Variants in SCML4 observed in about 807,000 individuals in gnomAD.
The protein encoded by SCML4 is sex comb on midleg-like protein 4.
SCML4 carries 34 observed loss-of-function variants against 41.1 expected under a neutral mutation model. That is an observed-to-expected ratio of 0.83 (90% confidence interval 0.63 to 1.10). The LOEUF is 1.10. Ranked by LOEUF, SCML4 falls within the 50% of genes least tolerant of loss-of-function variation. SCML4 has a pLI of 0.00. For missense variants in SCML4, 522 were observed against 534.1 expected, an observed-to-expected ratio of 0.98 and a Z score of 0.22; for synonymous variants, 214 against 220.9, an observed-to-expected ratio of 0.97 and a Z score of 0.28.
chr6:107,757,571 T>C (rs1310158848), intron 2 of SCML4, among the ~76,000 whole-genome samples: 1 of 152,166 alleles, frequency 6.6e-6, no homozygotes, highest in Non-Finnish European at 1.5e-5. Flanking sequence ...TGGATCTGGA[T>C]TGAATGTCCA....
chr6:107,797,582 C>T (rs7748848), intron 1 of SCML4, among the ~76,000 whole-genome samples: 7,795 of 152,056 alleles, frequency 0.051, 690 homozygotes, highest in African/African-American at 0.18. Flanking sequence ...AATTAAAAAT[C>T]ATACTTCTTT....
At chr6:107,781,553 G>T (rs1334435778) in intron 1 of SCML4, among the ~76,000 whole-genome samples, 1 of 152,088 alleles carries the variant, frequency 6.6e-6, no homozygotes, top group African/African-American at 2.4e-5. Context: ...AGGCTGAAGT[G>T]GGAGGATTGC....
At chr6:107,838,043 G>A in the SCML4 span, among the ~76,000 whole-genome samples, 1 of 151,808 alleles carries the variant, frequency 6.6e-6, no homozygotes, top group African/African-American at 2.4e-5. Flanking sequence ...GAGTACTTGG[G>A]ATTACAGGCA....
intron 6 of SCML4, among the ~76,000 whole-genome samples, chr6:107,714,450 C>A (rs1322912931): frequency 6.6e-6 from 1 of 152,186 alleles, no homozygotes; most frequent in Non-Finnish European, 1.5e-5. Flanking sequence ...CTCAGCCACT[C>A]CCTCCCCATC....
At chr6:107,773,399 C>G (rs910456449) in intron 1 of SCML4, among the ~76,000 whole-genome samples, 1 of 151,950 alleles carries the variant, frequency 6.6e-6, no homozygotes, top group Non-Finnish European at 1.5e-5. Context: ...CGAGACTAGC[C>G]TGGACAACAT....
At chr6:107,772,940 A>AT (rs1297372018) in intron 1 of SCML4, among the ~76,000 whole-genome samples, 1 of 152,230 alleles carries the variant, frequency 6.6e-6, no homozygotes, top group Non-Finnish European at 1.5e-5. Flanking sequence ...AGGTATGTTC[A>AT]TTTTAACATG....
intron 6 of SCML4, among the ~76,000 whole-genome samples, chr6:107,716,012 G>T (rs1774750954): frequency 6.6e-6 from 1 of 152,116 alleles, no homozygotes; most frequent in Admixed American, 6.5e-5. Flanking sequence ...GGGTGTGGGG[G>T]GACCCACAGC....
intron 1 of SCML4, among the ~76,000 whole-genome samples, chr6:107,803,663 A>G (rs1783478164): frequency 6.8e-6 from 1 of 147,010 alleles, no homozygotes; most frequent in African/African-American, 2.6e-5. Flanking sequence ...GTCTGTGTAG[A>G]AAGAGGTAGA....
At chr6:107,779,594 G>A (rs902031990) in intron 1 of SCML4, among the ~76,000 whole-genome samples, 4 of 152,178 alleles carry the variant, frequency 2.6e-5, no homozygotes, top group African/African-American at 9.7e-5. Context: ...ACTGCATGGA[G>A]TGTGTTCCTG....
In SCML4 at chr6:107,704,527, C is replaced by G. The variant is rs1208463067; in HGVS notation, c.*673G>C. The G allele has an allele frequency of 6.6e-6, 1 of 152,538 alleles. No individual in the cohort carries two copies. The highest frequency in any genetic ancestry group is 1.5e-5 in the Non-Finnish European group (1 of 68,330). 9.4% of individuals were successfully genotyped at this position (152,538 alleles called of 1,614,324 possible). A position where few individuals can be genotyped will look rare whatever the true frequency, so the allele number is the denominator to read the frequency against. Reference sequence around the variant, plus strand: ...AGATCTTGTTCACAGACACCCTAACCCATCCACTCAGTACTGAACAATCCT... The same window carrying G: ...AGATCTTGTTCACAGACACCCTAACGCATCCACTCAGTACTGAACAATCCT... On this transcript the variant is annotated 3_prime_UTR_variant, in exon 8 of 8. Coordinates refer to ENST00000369020, the MANE Select transcript of SCML4 (RefSeq NM_198081.5).
At position 107,702,166 on chromosome 6, in the gene SCML4, G is replaced by A. The variant is rs568953189; in HGVS notation, c.*3034C>T. On this transcript the variant is annotated 3_prime_UTR_variant, in exon 8 of 8. Transcript: ENST00000369020. The stretch of plus-strand genomic sequence containing the variant: ...TTTCCTCCCCAGGTTATTCTCTGAT[G>A]TGGCAGCATTTATTTTAAGAGTAAT... Among the ~76,000 whole-genome samples, 11 of 152,356 alleles carry A rather than the reference G, an allele frequency of 7.2e-5. No homozygotes were observed. Among genetic ancestry groups the A allele is most frequent in the African/African-American group, 2.6e-4 (11 of 41,578 alleles).
chr6:107,747,466 CA>C (rs1778240981), intron 3 of SCML4, among the ~76,000 whole-genome samples: 1 of 151,962 alleles, frequency 6.6e-6, no homozygotes, highest in Non-Finnish European at 1.5e-5. Context: ...TAACAGACCC[CA>C]TTGATAAAAA....
Position 107,746,827 on chromosome 6 carries a change from G to T in SCML4, c.349C>A (p.Gln117Lys). The change falls in exon 4 of 8, where the codon CAG becomes AAG. Residue 117 changes from glutamine to lysine, a missense_variant. Gln to Lys is a moderately conservative substitution (Grantham distance 53, BLOSUM62 1). Coordinates refer to ENST00000369020, the MANE Select transcript of SCML4 (RefSeq NM_198081.5). The part of the protein sequence containing the change: ...GPYLERKKVQ[Q>K]LPEHFGPERP... ...TCGGGCCCAAAATGCTCCGGGAGCT[G>T]CTGCACCTTCTTCCTCTCCAGATAG... 6.2e-7 allele frequency: 1 copy of T among 1,614,126 alleles called. No homozygotes were observed. The highest frequency in any genetic ancestry group is 8.5e-7 in the Non-Finnish European group (1 of 1,180,000).
At chr6:107,750,858 C>T (rs939861238) in intron 2 of SCML4, among the ~76,000 whole-genome samples, 25 of 152,186 alleles carry the variant, frequency 1.6e-4, no homozygotes, top group African/African-American at 6.0e-4. Flanking sequence ...GACCACACTT[C>T]GAGTAGCAAG....
chr6:107,776,081 C>A (rs976621710), intron 1 of SCML4, among the ~76,000 whole-genome samples: 1 of 151,856 alleles, frequency 6.6e-6, no homozygotes, highest in Admixed American at 6.6e-5. Flanking sequence ...TGTATGTTCT[C>A]GGAATGGGGA....
intron 1 of SCML4, among the ~76,000 whole-genome samples, chr6:107,784,677 A>T (rs1781750331): frequency 6.6e-6 from 1 of 152,272 alleles, no homozygotes; most frequent in South Asian, 2.1e-4. Context: ...AATCCAATAA[A>T]GTCAATCTAA....
chr6:107,814,927 T>C (rs1217613594), intron 1 of SCML4, among the ~76,000 whole-genome samples: 1 of 152,188 alleles, frequency 6.6e-6, no homozygotes, highest in African/African-American at 2.4e-5. Context: ...TGACACATGA[T>C]AGAAAGGGTC....
At chr6:107,789,204 T>C (rs1782131994) in intron 1 of SCML4, among the ~76,000 whole-genome samples, 1 of 152,250 alleles carries the variant, frequency 6.6e-6, no homozygotes, top group South Asian at 2.1e-4. Flanking sequence ...TGGACTATTC[T>C]CTTTCTCTCC....
chr6:107,790,413 G>T (rs905022027), intron 1 of SCML4, among the ~76,000 whole-genome samples: 2 of 152,076 alleles, frequency 1.3e-5, no homozygotes, highest in African/African-American at 2.4e-5. Context: ...AAAAAGAAAG[G>T]TCAGAAAAGG....
Sources: allele counts gnomAD v4.1 joint callset (sites outside exome capture counted in the v4.1 genomes callset), GRCh38; gene constraint gnomAD v4.1.1; transcripts MANE v1.5; gene names NCBI Gene and HGNC (gene_info 2026-07-23, HGNC 2026-07-21).